Variants in CACNA1D observed in about 807,000 individuals in gnomAD.
The protein encoded by CACNA1D is calcium voltage-gated channel subunit alpha1 D.
Under a neutral mutation model 257.1 loss-of-function variants are expected in CACNA1D, and 55 were observed. That is an observed-to-expected ratio of 0.21 (90% CI 0.17 to 0.27). The LOEUF is 0.27. CACNA1D is among the 10% of genes least tolerant of loss of function. The pLI is 1.00. For missense variants in CACNA1D, 1,876 were observed against 2,784.0 expected, an observed-to-expected ratio of 0.67 and a Z score of 7.34; for synonymous variants, 980 against 1,014.9, an observed-to-expected ratio of 0.97 and a Z score of 0.65.
At chr3:53,539,541 T>C (rs2092238733) in intron 3 of CACNA1D, among the ~76,000 whole-genome samples, 1 of 152,236 alleles carries the variant, frequency 6.6e-6, no homozygotes, top group Non-Finnish European at 1.5e-5. Context: ...ACAGTCAAGT[T>C]GTTTCTAGTT....
At chr3:53,551,655 A>G (rs72964394) in intron 3 of CACNA1D, among the ~76,000 whole-genome samples, 4,534 of 152,312 alleles carry the variant, frequency 0.03, 229 homozygotes, top group African/African-American at 0.1. Context: ...ATAAAATCTC[A>G]TGGCTCTTTG....
At chr3:53,546,280 G>T (rs1347647028) in intron 3 of CACNA1D, among the ~76,000 whole-genome samples, 3 of 152,128 alleles carry the variant, frequency 2.0e-5, no homozygotes, top group Non-Finnish European at 4.4e-5. Flanking sequence ...TGTGGGCCCT[G>T]GGGGAACCGG....
At chr3:53,730,966 A>G (rs570549573) in intron 16 of CACNA1D, 111 bp from the exon 17 acceptor site, 75 of 731,924 alleles carry the variant, frequency 1.0e-4, no homozygotes, top group African/African-American at 5.5e-4. Flanking sequence ...TGTTGTTTCT[A>G]ATTAAATTCT....
At chr3:53,755,535 C>T (rs1315907993) in intron 29 of CACNA1D, among the ~76,000 whole-genome samples, 3 of 152,192 alleles carry the variant, frequency 2.0e-5, no homozygotes, top group Admixed American at 6.5e-5. Context: ...ATAATCAGTA[C>T]TGATAGATCG....
At position 53,691,826 on chromosome 3, in the gene CACNA1D, C is replaced by CTATAATATATATTACATATATAATA. The variant is rs1559522720; in HGVS notation, c.1221-10800_1221-10776dup. On this transcript the variant is annotated intron_variant, in intron 8 of 47. Coordinates refer to ENST00000350061, the MANE Select transcript of CACNA1D (RefSeq NM_001128840.3). ...ATATAATATATATTATATATTATAT[C>CTATAATATATATTACATATATAATA]TATAATATATATTACATATATAATA... 4.1e-3 allele frequency among the ~76,000 whole-genome samples: 233 copies of CTATAATATATATTACATATATAATA among 57,144 alleles called. 3 individuals carry two copies. The highest frequency in any genetic ancestry group is 0.015 in the African/African-American group (222 of 14,808). 37.5% of individuals were successfully genotyped at this position (57,144 alleles called of 152,430 possible). A position where few individuals can be genotyped will look rare whatever the true frequency, so the allele number is the denominator to read the frequency against.
At chr3:53,519,889 T>C (rs2091483837) in intron 3 of CACNA1D, among the ~76,000 whole-genome samples, 1 of 152,188 alleles carries the variant, frequency 6.6e-6, no homozygotes, top group Non-Finnish European at 1.5e-5. Context: ...GAATATTTCA[T>C]ATAAACGGGA....
At chr3:53,754,690 C>T (rs564660372) in intron 29 of CACNA1D, among the ~76,000 whole-genome samples, 7 of 152,296 alleles carry the variant, frequency 4.6e-5, no homozygotes, top group Non-Finnish European at 8.8e-5. Flanking sequence ...ATATTTGGCC[C>T]TCATTTTCTT....
At chr3:53,731,206 A>C in intron 17 of CACNA1D, 60 bp downstream of exon 17, 1 of 1,048,380 alleles carries the variant, frequency 9.5e-7, no homozygotes, top group Non-Finnish European at 1.5e-6. Flanking sequence ...TGATCTCCAT[A>C]CATGTACCAT....
intron 3 of CACNA1D, among the ~76,000 whole-genome samples, chr3:53,561,937 C>G (rs375923615): frequency 3.3e-5 from 5 of 152,056 alleles, no homozygotes; most frequent in African/African-American, 1.2e-4. Flanking sequence ...TTGATATTCT[C>G]TGAAATGTGA....
intron 3 of CACNA1D, among the ~76,000 whole-genome samples, chr3:53,587,266 T>A (rs2093234338): frequency 6.6e-6 from 1 of 152,008 alleles, no homozygotes; most frequent in Non-Finnish European, 1.5e-5. Context: ...GACTCTGGGG[T>A]GACTGAAGTG....
chr3:53,614,636 C>A (rs920663383), intron 3 of CACNA1D, among the ~76,000 whole-genome samples: 1 of 152,168 alleles, frequency 6.6e-6, no homozygotes, highest in East Asian at 1.9e-4. Flanking sequence ...GGCCCACATT[C>A]GTTTCACAGA....
At position 53,732,072 on chromosome 3, in the gene CACNA1D, C is replaced by A; in HGVS notation, c.2463C>A (p.Cys821Ter). ...EDEDKDPYPP[C>*]DVPVGEEEEE... ...AAGACAAGGACCCCTATCCGCCTTGCGATGTGCCAGGTATGGTGGCGGAGG... is the reference window on the plus strand; with the variant it reads ...AAGACAAGGACCCCTATCCGCCTTGAGATGTGCCAGGTATGGTGGCGGAGG... The change falls in exon 18 of 48, where the codon TGC (cysteine) becomes TGA (stop). Residue 821 changes from cysteine to a stop codon, truncating the protein, a stop_gained. Coordinates refer to ENST00000350061, the MANE Select transcript of CACNA1D (RefSeq NM_001128840.3). LOFTEE classifies it high-confidence loss of function. 1 of 1,611,510 alleles carries A rather than the reference C, an allele frequency of 6.2e-7. No individual in the cohort carries two copies. Among genetic ancestry groups the A allele is most frequent in the Non-Finnish European group, 8.5e-7 (1 of 1,177,552 alleles).
In CACNA1D at chr3:53,557,502, AAG is replaced by A. The variant is rs567119581; in HGVS notation, c.483+55784_483+55785del. ...AGAGCGAAACTCTGTCTCAAAAAAAAAGAAAAAAAGAAAGATCTGTGTTCTAC... is the reference window on the plus strand; with the variant it reads ...AGAGCGAAACTCTGTCTCAAAAAAAAAAAAAAAGAAAGATCTGTGTTCTAC... On this transcript the variant is annotated intron_variant, in intron 3 of 47. Coordinates refer to ENST00000350061, the MANE Select transcript of CACNA1D (RefSeq NM_001128840.3). Among the ~76,000 whole-genome samples the A allele has an allele frequency of 2.3e-3, 355 of 152,106 alleles. 4 individuals are homozygous for A. Among genetic ancestry groups the A allele is most frequent in the African/African-American group, 7.9e-3 (327 of 41,370 alleles).
chr3:53,587,844 A>G (rs929716501), intron 3 of CACNA1D, among the ~76,000 whole-genome samples: 3 of 152,214 alleles, frequency 2.0e-5, no homozygotes, highest in African/African-American at 7.2e-5. Flanking sequence ...ATTGGAACCA[A>G]CAAATATACT....
At chr3:53,556,352 G>A (rs2092645060) in intron 3 of CACNA1D, among the ~76,000 whole-genome samples, 1 of 152,152 alleles carries the variant, frequency 6.6e-6, no homozygotes, top group Non-Finnish European at 1.5e-5. Flanking sequence ...GTACCATTTT[G>A]TATTCCCACC....
chr3:53,535,169 C>G (rs1414746100), intron 3 of CACNA1D, among the ~76,000 whole-genome samples: 3 of 152,214 alleles, frequency 2.0e-5, no homozygotes. Flanking sequence ...ATCCTTGCTG[C>G]TAGCTCCTCT....
At chr3:53,733,930 TTG>T (rs397961374) in intron 19 of CACNA1D, among the ~76,000 whole-genome samples, 174 of 134,032 alleles carry the variant, frequency 1.3e-3, no homozygotes, top group East Asian at 3.3e-3. Flanking sequence ...GTGTGTGTGT[TTG>T]TGTGTGTGTG....
chr3:53,796,624 C>T (rs142099406), intron 40 of CACNA1D, among the ~76,000 whole-genome samples: 1 of 152,278 alleles, frequency 6.6e-6, no homozygotes, highest in African/African-American at 2.4e-5. Flanking sequence ...TTATGCTATT[C>T]AGAAGTGTTT....
intron 38 of CACNA1D, among the ~76,000 whole-genome samples, chr3:53,780,859 G>T (rs1432397739): frequency 6.6e-6 from 1 of 152,194 alleles, no homozygotes; most frequent in Non-Finnish European, 1.5e-5. Flanking sequence ...AGGCACTGGT[G>T]GAGGAGAGGG....
Sources: gnomAD v4.1 joint callset for allele counts (sites outside exome capture counted in the v4.1 genomes callset) on GRCh38, gnomAD v4.1.1 for gene constraint, MANE v1.5 for transcripts, NCBI Gene and HGNC (gene_info 2026-07-23, HGNC 2026-07-21) for gene names.